SPOCK1: variants seen among roughly 807,000 people sequenced by gnomAD.
SPOCK1 encodes SPARC (osteonectin), cwcv and kazal like domains proteoglycan 1, also known as testican-1.
A neutral mutation model predicts 55.3 loss-of-function variants in SPOCK1; 23 were observed. The observed-to-expected ratio is 0.42, with a 90% CI of 0.30 to 0.59. The LOEUF is 0.59. Ranked by LOEUF, SPOCK1 falls within the 20% of genes least tolerant of loss-of-function variation. The pLI is 0.22. For synonymous variants in SPOCK1, 226 were observed against 221.0 expected (o/e 1.02, Z -0.20); for missense variants, 499 against 552.5 (o/e 0.90, Z 0.97).
chr5:137,403,379 C>CCA (rs1380845741), intron 2 of SPOCK1, among the ~76,000 whole-genome samples: 2 of 152,152 alleles, frequency 1.3e-5, no homozygotes, highest in African/African-American at 4.8e-5. Context: ...TTATTAATAG[C>CCA]CACTCTGTGC....
chr5:137,191,425 A>G (rs1755176336), intron 3 of SPOCK1, among the ~76,000 whole-genome samples: 2 of 151,632 alleles, frequency 1.3e-5, no homozygotes, highest in African/African-American at 4.9e-5. Context: ...GAAATTCTGT[A>G]TCAGTAGACT....
At chr5:137,451,915 C>T (rs1753262261) in intron 2 of SPOCK1, among the ~76,000 whole-genome samples, 1 of 152,122 alleles carries the variant, frequency 6.6e-6, no homozygotes, top group African/African-American at 2.4e-5. Context: ...GTTGAGTTTC[C>T]CTTATCTAAA....
chr5:137,314,906 A>C (rs1163655906), intron 2 of SPOCK1, among the ~76,000 whole-genome samples: 1 of 152,162 alleles, frequency 6.6e-6, no homozygotes. Flanking sequence ...GTAGTGTTTA[A>C]AACTGTCTGT....
chr5:137,297,771 G>A (rs1688832391), intron 2 of SPOCK1, among the ~76,000 whole-genome samples: 2 of 152,150 alleles, frequency 1.3e-5, no homozygotes, highest in Admixed American at 6.5e-5. Flanking sequence ...CTAAGATCTA[G>A]GAGGTCAGTG....
intron 2 of SPOCK1, among the ~76,000 whole-genome samples, chr5:137,322,223 C>G (rs558888160): frequency 6.6e-6 from 1 of 152,064 alleles, no homozygotes; most frequent in South Asian, 2.1e-4. Context: ...GTCCCAGCTA[C>G]TCAGGAGACT....
chr5:137,496,302 T>C (rs1412189660), intron 2 of SPOCK1, among the ~76,000 whole-genome samples: 1 of 152,190 alleles, frequency 6.6e-6, no homozygotes, highest in Non-Finnish European at 1.5e-5. Context: ...GATCTAAAAA[T>C]GTCACCACCA....
At chr5:137,418,222 G>A (rs1393739499) in intron 2 of SPOCK1, among the ~76,000 whole-genome samples, 1 of 152,002 alleles carries the variant, frequency 6.6e-6, no homozygotes, top group African/African-American at 2.4e-5. Context: ...CATTTGGGTT[G>A]GTTCCAAGTC....
At chr5:137,057,366 T>C (rs1384369884) in intron 6 of SPOCK1, among the ~76,000 whole-genome samples, 1 of 152,178 alleles carries the variant, frequency 6.6e-6, no homozygotes, top group Non-Finnish European at 1.5e-5. Flanking sequence ...TGTGTTTTGG[T>C]TGCAGCTCTA....
chr5:137,015,957 G>GT (rs1466548245), intron 6 of SPOCK1, among the ~76,000 whole-genome samples: 1 of 152,222 alleles, frequency 6.6e-6, no homozygotes, highest in Non-Finnish European at 1.5e-5. Context: ...AAGTGTGGAG[G>GT]AAAGGAGGAG....
At chr5:137,074,281 A>T (rs1216578014) in intron 5 of SPOCK1, among the ~76,000 whole-genome samples, 1 of 152,222 alleles carries the variant, frequency 6.6e-6, no homozygotes, top group Non-Finnish European at 1.5e-5. Context: ...ACATTTGGGG[A>T]AGAATTTCTG....
At chr5:137,081,914 G>A (rs1283408833) in intron 5 of SPOCK1, among the ~76,000 whole-genome samples, 1 of 152,210 alleles carries the variant, frequency 6.6e-6, no homozygotes, top group African/African-American at 2.4e-5. Flanking sequence ...TGTGAAAATG[G>A]TCAAGGGCTG....
intron 2 of SPOCK1, among the ~76,000 whole-genome samples, chr5:137,285,549 G>A (rs543112200): frequency 1.3e-5 from 2 of 152,204 alleles, no homozygotes; most frequent in African/African-American, 2.4e-5. Flanking sequence ...CTCATATTCA[G>A]CTTAAACATG....
intron 6 of SPOCK1, among the ~76,000 whole-genome samples, chr5:137,028,765 G>C (rs1751724363): frequency 6.6e-6 from 1 of 151,974 alleles, no homozygotes; most frequent in African/African-American, 2.4e-5. Flanking sequence ...AGTGAGGCTT[G>C]GTGGGAACTA....
At chr5:137,237,115 C>T (rs750788290) in intron 3 of SPOCK1, among the ~76,000 whole-genome samples, 1 of 152,210 alleles carries the variant, frequency 6.6e-6, no homozygotes, top group Non-Finnish European at 1.5e-5. Context: ...ATGAATTCTG[C>T]ACCGAAAGGG....
At chr5:136,998,872 G>T (rs533216484) in intron 6 of SPOCK1, among the ~76,000 whole-genome samples, 2 of 152,366 alleles carry the variant, frequency 1.3e-5, no homozygotes, top group East Asian at 3.9e-4. Context: ...GGAAAGCACA[G>T]CACTCAGGCA....
chr5:137,313,347 G>A (rs1039975148), intron 2 of SPOCK1: 1 of 919,466 alleles, frequency 1.1e-6, no homozygotes, highest in East Asian at 1.2e-4. Flanking sequence ...TGGGCACACA[G>A]AAGAGCCAGA....
chr5:137,213,743 A>G (rs981183415), intron 3 of SPOCK1, among the ~76,000 whole-genome samples: 128 of 152,338 alleles, frequency 8.4e-4, no homozygotes, highest in African/African-American at 2.5e-3. Context: ...AGACTCCAAT[A>G]GAAGGGTGCA....
At chr5:137,239,695 G>C (rs1014154385) in intron 3 of SPOCK1, among the ~76,000 whole-genome samples, 1 of 152,076 alleles carries the variant, frequency 6.6e-6, no homozygotes, top group Non-Finnish European at 1.5e-5. Flanking sequence ...CAGACATTTT[G>C]TATTAAAAGT....
chr5:137,424,861 G>A (rs1189444705), intron 2 of SPOCK1, among the ~76,000 whole-genome samples: 1 of 152,138 alleles, frequency 6.6e-6, no homozygotes, highest in Non-Finnish European at 1.5e-5. Context: ...GGAAAGTTTG[G>A]GTAATAAAAA....
Sources: allele counts gnomAD v4.1 joint callset (sites outside exome capture counted in the v4.1 genomes callset), GRCh38; gene constraint gnomAD v4.1.1; transcripts MANE v1.5; gene names NCBI Gene and HGNC (gene_info 2026-07-23, HGNC 2026-07-21).